The following CLNK variants were observed in gnomAD, a reference collection of about 807,000 sequenced individuals.
CLNK encodes cytokine dependent hematopoietic cell linker, also known as cytokine-dependent hematopoietic cell linker.
A neutral mutation model predicts 68.6 loss-of-function variants in CLNK; 74 were observed. That is an observed-to-expected ratio of 1.08 (90% CI 0.89 to 1.31). The LOEUF (loss-of-function observed/expected upper bound fraction) is 1.31. Ranked by LOEUF, CLNK falls within the 50% of genes most tolerant of loss-of-function variation. The probability of loss-of-function intolerance (pLI) is 0.00; values close to 1 mark genes in which losing one functional copy is unlikely to be tolerated. For missense variants in CLNK, 553 were observed against 515.3 expected (o/e 1.07, Z -0.71); for synonymous variants, 198 against 172.2 (o/e 1.15, Z -1.17).
At chr4:10,674,979 G>T (rs1218193499) in intron 1 of CLNK, among the ~76,000 whole-genome samples, 1 of 149,782 alleles carries the variant, frequency 6.7e-6, no homozygotes, top group East Asian at 2.0e-4. Context: ...CTGTTGGGGG[G>T]TTTGGGGCAA....
chr4:10,543,646 C>T (rs114614967), intron 8 of CLNK, among the ~76,000 whole-genome samples: 1 of 152,320 alleles, frequency 6.6e-6, no homozygotes, highest in Non-Finnish European at 1.5e-5. Flanking sequence ...GTCCAACTGG[C>T]ACAATACAAC....
At chr4:10,699,512 A>ATAT in the CLNK span, among the ~76,000 whole-genome samples, 45 of 32,754 alleles carry the variant, frequency 1.4e-3, no homozygotes, top group South Asian at 0.012. Flanking sequence ...ATATATATAT[A>ATAT]TTTTTTTTTT....
Position 10,654,762 on chromosome 4 carries a change from T to C in CLNK, c.11+13097A>G, listed in dbSNP as rs768654489. Among the ~76,000 whole-genome samples the C allele has an allele frequency of 1.3e-3, 197 of 152,200 alleles. 3 individuals are homozygous for C. Among genetic ancestry groups the C allele is most frequent in the Non-Finnish European group, 6.5e-4 (44 of 68,006 alleles). ...CAACAGACATGAAAATATGAAATGT[T>C]GATATCTTAGCATTTACAATATCAT... On this transcript the variant is annotated intron_variant, in intron 2 of 18. Coordinates refer to ENST00000226951, the MANE Select transcript of CLNK (RefSeq NM_052964.4).
intron 18 of CLNK, among the ~76,000 whole-genome samples, chr4:10,491,278 G>A (rs191980590): frequency 2.4e-4 from 37 of 152,310 alleles, no homozygotes; most frequent in African/African-American, 7.5e-4. Flanking sequence ...GGACTCAGAT[G>A]GGTTAATTAC....
At chr4:10,572,395 T>C (rs1047479504) in intron 4 of CLNK, among the ~76,000 whole-genome samples, 2 of 152,368 alleles carry the variant, frequency 1.3e-5, no homozygotes, top group East Asian at 3.9e-4. Flanking sequence ...GGGCTTGTTT[T>C]ATGAAAGATT....
intron 2 of CLNK, among the ~76,000 whole-genome samples, chr4:10,638,809 T>C (rs911618076): frequency 9.2e-5 from 14 of 152,316 alleles, no homozygotes; most frequent in African/African-American, 3.4e-4. Context: ...GCGAGAAATC[T>C]GGGATCAAGG....
intron 17 of CLNK, among the ~76,000 whole-genome samples, chr4:10,507,213 G>A (rs540512742): frequency 6.6e-6 from 1 of 152,066 alleles, no homozygotes; most frequent in South Asian, 2.1e-4. Context: ...CCGGCTTCAA[G>A]CGATTCTCTT....
the CLNK span, among the ~76,000 whole-genome samples, chr4:10,707,815 A>G: frequency 2.0e-5 from 3 of 152,226 alleles, no homozygotes; most frequent in Non-Finnish European, 4.4e-5. Flanking sequence ...TTCAGAGGAT[A>G]GGGGTGTAAA....
the CLNK span, among the ~76,000 whole-genome samples, chr4:10,694,251 A>G: frequency 6.6e-6 from 1 of 151,424 alleles, no homozygotes; most frequent in Non-Finnish European, 1.5e-5. Context: ...CTATCCGGCC[A>G]GGTGGGACCA....
chr4:10,715,166 T>C, the CLNK span, among the ~76,000 whole-genome samples: 1 of 152,220 alleles, frequency 6.6e-6, no homozygotes, highest in South Asian at 2.1e-4. Flanking sequence ...TAAAATGCAG[T>C]CTGTAGACCA....
the CLNK span, among the ~76,000 whole-genome samples, chr4:10,707,651 G>A: frequency 6.6e-6 from 1 of 152,006 alleles, no homozygotes; most frequent in African/African-American, 2.4e-5. Context: ...TTTTGAGATG[G>A]TTCCCTGGGC....
At chr4:10,644,440 C>T (rs1010426659) in intron 2 of CLNK, among the ~76,000 whole-genome samples, 4 of 152,198 alleles carry the variant, frequency 2.6e-5, no homozygotes, top group African/African-American at 9.7e-5. Flanking sequence ...GTTATTATCT[C>T]CATTTTATAG....
At chr4:10,714,071 T>C in the CLNK span, among the ~76,000 whole-genome samples, 1 of 152,114 alleles carries the variant, frequency 6.6e-6, no homozygotes, top group Non-Finnish European at 1.5e-5. Context: ...GCAGATATTG[T>C]TGGGGAAGAG....
rs138427193 is a variant in CLNK, at chr4:10,672,023, C to A, written c.-42-4112G>T. Among the ~76,000 whole-genome samples the A allele has an allele frequency of 5.5e-3, 834 of 152,194 alleles. 10 individuals are homozygous for A. Among genetic ancestry groups the A allele is most frequent in the African/African-American group, 0.019 (788 of 41,524 alleles). ...GTCGTAAGTCAAATACTTAAAGAGC[C>A]CCTAAGCTAACTAAGATTGCAATGC... is the stretch of plus-strand genomic sequence containing the variant. On this transcript the variant is annotated intron_variant, in intron 1 of 18. Transcript: ENST00000226951.
At chr4:10,724,081 G>A in the CLNK span, among the ~76,000 whole-genome samples, 1 of 152,122 alleles carries the variant, frequency 6.6e-6, no homozygotes. Context: ...GTTGGGGGAT[G>A]CTCTCAGCAT....
chr4:10,513,422 C>T (rs1717684230), intron 16 of CLNK, 42 bp downstream of exon 16: 3 of 1,579,730 alleles, frequency 1.9e-6, no homozygotes, highest in Admixed American at 1.8e-5. Flanking sequence ...ATTTAGATGC[C>T]AAGTACATCT....
Position 10,487,032 on chromosome 4 carries a change from G to A in CLNK, c.*3435C>T, listed in dbSNP as rs753370520. On this transcript the variant is annotated 3_prime_UTR_variant, in exon 19 of 19. Transcript: ENST00000226951. ...GATGAGGGCTATGCACATTTATACA[G>A]AATGAGAATTATTTAGTCCAAAAAA... 1.3e-5 allele frequency: 2 copies of A among 152,182 alleles called. No homozygotes were observed. Among genetic ancestry groups the A allele is most frequent in the Non-Finnish European group, 2.9e-5 (2 of 68,028 alleles). The allele number at this position is 152,182 out of a possible 1,614,324, so 9.4% of individuals were successfully genotyped here. A position where few individuals can be genotyped will look rare whatever the true frequency, so the allele number is the denominator to read the frequency against.
intron 4 of CLNK, among the ~76,000 whole-genome samples, chr4:10,572,038 T>C (rs2108828350): frequency 6.6e-6 from 1 of 152,350 alleles, no homozygotes; most frequent in Middle Eastern, 3.4e-3. Context: ...ACTTTATCTC[T>C]ACTGTAGCAG....
chr4:10,627,067 T>C (rs1577179681), intron 2 of CLNK, among the ~76,000 whole-genome samples: 1 of 152,216 alleles, frequency 6.6e-6, no homozygotes, highest in South Asian at 2.1e-4. Context: ...CCAGGGCAGC[T>C]TTCCCTTTAA....
Sources: gnomAD v4.1 joint callset for allele counts (sites outside exome capture counted in the v4.1 genomes callset) on GRCh38, gnomAD v4.1.1 for gene constraint, MANE v1.5 for transcripts, NCBI Gene and HGNC (gene_info 2026-07-23, HGNC 2026-07-21) for gene names.